Variants in KCNQ1 observed in about 807,000 individuals in gnomAD.
KCNQ1 encodes potassium voltage-gated channel subfamily Q member 1, also known as potassium voltage-gated channel subfamily KQT member 1.
KCNQ1 carries 49 observed loss-of-function variants against 72.4 expected under a neutral mutation model. That is an observed-to-expected ratio of 0.68 (90% CI 0.54 to 0.86). KCNQ1 has a LOEUF of 0.86. KCNQ1 is among the 40% of genes least tolerant of loss of function. The pLI is 0.00. For missense variants in KCNQ1, 790 were observed against 945.1 expected, an observed-to-expected ratio of 0.84 and a Z score of 2.15; for synonymous variants, 450 against 412.6, an observed-to-expected ratio of 1.09 and a Z score of -1.10.
rs1485929261 is a variant in KCNQ1 at position 2,826,478 on chromosome 11, A to G, written c.1795-21289A>G. On this transcript the variant is annotated intron_variant, in intron 15 of 15. Coordinates refer to ENST00000155840, the MANE Select transcript of KCNQ1 (RefSeq NM_000218.3). This position sits in a 1 kb window ranked among gnomAD's most constrained non-coding sequence, Gnocchi z 4.2. ...CGCAGACAGTCACGGAAACTCAGGC[A>G]GACCCGGCGTTGGGTGCGCCAGGCC... Among the ~76,000 whole-genome samples the G allele has an allele frequency of 6.6e-6, 1 of 152,242 alleles. No individual in the cohort carries two copies. The highest frequency in any genetic ancestry group is 2.4e-5 in the African/African-American group (1 of 41,476).
chr11:2,679,728 T>C lies in KCNQ1; in HGVS notation c.1514+17647T>C, dbSNP rs1056309378. ...GCCGTTCTCTGTATTCTTGTCCAGA[T>C]GCTGTGGACAGTGATGATGGGAAAA... On this transcript the variant is annotated intron_variant, in intron 11 of 15. Transcript: ENST00000155840. This position sits in a 1 kb window ranked among gnomAD's most constrained non-coding sequence, Gnocchi z 4.8. 5.0e-6 allele frequency: 2 copies of C among 398,468 alleles called. No individual in the cohort carries two copies. The highest frequency in any genetic ancestry group is 3.6e-5 in the East Asian group (1 of 28,086). 24.7% of individuals were successfully genotyped at this position (398,468 alleles called of 1,614,324 possible).
chr11:2,448,815 A>G (rs1846080506), intron 1 of KCNQ1, among the ~76,000 whole-genome samples: 1 of 152,174 alleles, frequency 6.6e-6, no homozygotes, highest in South Asian at 2.1e-4. Context: ...CCCCTCACCT[A>G]CATCGCAGAC....
intron 11 of KCNQ1, chr11:2,681,690 C>G (rs1850400896): frequency 2.5e-6 from 1 of 396,798 alleles, no homozygotes; most frequent in Non-Finnish European, 4.4e-6. Flanking sequence ...GACCAGGCTG[C>G]CGTTGCTTCC....
intron 10 of KCNQ1, chr11:2,655,601 T>C: frequency 2.5e-6 from 1 of 398,660 alleles, no homozygotes; most frequent in Non-Finnish European, 4.4e-6. Flanking sequence ...GCAAGACCTG[T>C]TAGGGCACAG....
chr11:2,555,061 T>C (rs1357196639), intron 2 of KCNQ1, among the ~76,000 whole-genome samples: 4 of 152,136 alleles, frequency 2.6e-5, no homozygotes, highest in Non-Finnish European at 4.4e-5. Flanking sequence ...GGCCTTCCTG[T>C]CCCAACACTG....
chr11:2,521,310 G>A (rs913364845), intron 1 of KCNQ1, among the ~76,000 whole-genome samples: 5 of 152,092 alleles, frequency 3.3e-5, no homozygotes, highest in East Asian at 3.9e-4. Flanking sequence ...CCCGCTGTCC[G>A]CTTCCCTGCG....
chr11:2,742,322 C>T (rs1347903910), intron 11 of KCNQ1, among the ~76,000 whole-genome samples: 1 of 152,204 alleles, frequency 6.6e-6, no homozygotes, highest in Admixed American at 6.5e-5. Flanking sequence ...TCAGATACAT[C>T]AGCTACAATG....
rs1564870864 is a variant in KCNQ1 at position 2,720,516 on chromosome 11, A to T, written c.1515-48328A>T. On this transcript the variant is annotated intron_variant, in intron 11 of 15. Transcript: ENST00000155840. This position sits in a 1 kb window ranked among gnomAD's most constrained non-coding sequence, Gnocchi z 5.1. ...GGCCTCTCTCTGTAAGGGGAGAGGG[A>T]CCCAGGGCTGACCAGAGCAAGCAGT... is the stretch of plus-strand genomic sequence containing the variant. Among the ~76,000 whole-genome samples the T allele has an allele frequency of 6.6e-6, 1 of 152,076 alleles. No homozygotes were observed. The highest frequency in any genetic ancestry group is 1.5e-5 in the Non-Finnish European group (1 of 68,010).
At chr11:2,572,769 C>G in intron 5 of KCNQ1, 77 bp from the exon 6 acceptor site, 5 of 1,590,816 alleles carry the variant, frequency 3.1e-6, no homozygotes, top group Non-Finnish European at 4.3e-6. Context: ...CGCTGGGACT[C>G]GCTGCCTTAG....
At chr11:2,461,854 A>T in intron 1 of KCNQ1, 1 of 427,062 alleles carries the variant, frequency 2.3e-6, no homozygotes, top group Non-Finnish European at 4.4e-6. Flanking sequence ...GGAGAGAGAA[A>T]GGGGTGGGTG....
At chr11:2,646,560 CTG>C in intron 10 of KCNQ1, 3 of 398,652 alleles carry the variant, frequency 7.5e-6, no homozygotes, top group Non-Finnish European at 1.3e-5. Context: ...GGGTCTCACT[CTG>C]TTGCCCAGGC....
At chr11:2,523,929 G>T (rs986668960) in intron 1 of KCNQ1, among the ~76,000 whole-genome samples, 5 of 152,096 alleles carry the variant, frequency 3.3e-5, no homozygotes, top group African/African-American at 1.2e-4. Flanking sequence ...CTGGGGCAGT[G>T]GCGTGGATTC....
chr11:2,667,301 G>C, intron 11 of KCNQ1: 1 of 398,626 alleles, frequency 2.5e-6, no homozygotes, highest in Middle Eastern at 6.3e-4. Flanking sequence ...GGGCCGCACT[G>C]TCTAGGTGGA....
chr11:2,848,190 C>T lies in KCNQ1; in HGVS notation c.*187C>T. On this transcript the variant is annotated 3_prime_UTR_variant, in exon 16 of 16. Transcript: ENST00000155840. ...GCACTTGGGGGCTCAGCAAGGCCAC[C>T]TCTTCCTGGCCGGTGTGGGGGCCCC... 1 of 694,836 alleles carries T rather than the reference C, an allele frequency of 1.4e-6. No homozygotes were observed. Among genetic ancestry groups the T allele is most frequent in the South Asian group, 1.6e-5 (1 of 63,584 alleles). 43.0% of individuals were successfully genotyped at this position (694,836 alleles called of 1,614,324 possible). A position where few individuals can be genotyped will look rare whatever the true frequency, so the allele number is the denominator to read the frequency against.
intron 11 of KCNQ1, chr11:2,667,423 T>C (rs1590019185): frequency 2.5e-6 from 1 of 398,660 alleles, no homozygotes; most frequent in Non-Finnish European, 4.4e-6. Context: ...ACTTGTGAAC[T>C]CCCAGCCATG....
intron 11 of KCNQ1, chr11:2,684,042 C>T: frequency 2.5e-6 from 1 of 398,504 alleles, no homozygotes; most frequent in East Asian, 3.6e-5. Context: ...CATCCTCCCC[C>T]TTTATCAAGA....
chr11:2,836,414 AG>A (rs1240297497), intron 15 of KCNQ1, among the ~76,000 whole-genome samples: 1 of 152,124 alleles, frequency 6.6e-6, no homozygotes, highest in African/African-American at 2.4e-5. Context: ...TTCACCCAGG[AG>A]GTAGAGGGTG....
At chr11:2,655,667 C>T in intron 10 of KCNQ1, 2 of 397,010 alleles carry the variant, frequency 5.0e-6, no homozygotes, top group Admixed American at 8.9e-5. Context: ...CTGGAAAGAG[C>T]TGAATCCCCA....
chr11:2,502,986 A>T (rs566136341), intron 1 of KCNQ1, among the ~76,000 whole-genome samples: 16 of 152,230 alleles, frequency 1.1e-4, no homozygotes, highest in Non-Finnish European at 2.4e-4. Flanking sequence ...GTCCATATGC[A>T]GAAGAATGAA....
Sources: gnomAD v4.1 joint callset for allele counts (sites outside exome capture counted in the v4.1 genomes callset) on GRCh38, gnomAD v4.1.1 for gene constraint, Gnocchi (gnomAD v3.1) non-coding constraint, MANE v1.5 for transcripts, NCBI Gene and HGNC (gene_info 2026-07-23, HGNC 2026-07-21) for gene names.